ABLIM3: variants seen among roughly 807,000 people sequenced by gnomAD.
ABLIM3 encodes actin-binding LIM protein 3.
ABLIM3 carries 61 observed loss-of-function variants against 109.5 expected under a neutral mutation model. That is an observed-to-expected ratio of 0.56 (90% confidence interval 0.45 to 0.69). ABLIM3 has a LOEUF of 0.69. Ranked by LOEUF, ABLIM3 falls within the 30% of genes least tolerant of loss-of-function variation. The probability of loss-of-function intolerance (pLI) is 0.00; values close to 1 mark genes in which losing one functional copy is unlikely to be tolerated. For synonymous variants in ABLIM3, 300 were observed against 324.8 expected, an observed-to-expected ratio of 0.92 and a Z score of 0.82; for missense variants, 796 against 889.5, an observed-to-expected ratio of 0.89 and a Z score of 1.34.
chr5:149,254,020 G>A (rs551533253), intron 23 of ABLIM3, among the ~76,000 whole-genome samples: 8 of 152,236 alleles, frequency 5.3e-5, no homozygotes, highest in African/African-American at 9.6e-5. Flanking sequence ...ACAGGGGAAC[G>A]CCCTTTATAA....
intron 8 of ABLIM3, chr5:149,221,031 G>A (rs1760595789): frequency 6.6e-6 from 1 of 152,184 alleles, no homozygotes; most frequent in Non-Finnish European, 1.5e-5. Context: ...TTGAACAATG[G>A]GCATGTGTTA....
At chr5:149,248,480 A>G (rs2127569510) in intron 18 of ABLIM3, among the ~76,000 whole-genome samples, 1 of 152,234 alleles carries the variant, frequency 6.6e-6, no homozygotes, top group South Asian at 2.1e-4. Context: ...TCATGAGGTC[A>G]GGAGATCAAG....
At chr5:149,158,763 ACTT>A (rs1440694712) in intron 2 of ABLIM3, among the ~76,000 whole-genome samples, 1 of 152,210 alleles carries the variant, frequency 6.6e-6, no homozygotes, top group Non-Finnish European at 1.5e-5. Flanking sequence ...GGAGGCAATG[ACTT>A]CCCAGAACAC....
At chr5:149,161,771 C>T (rs188613172) in intron 2 of ABLIM3, among the ~76,000 whole-genome samples, 99 of 152,026 alleles carry the variant, frequency 6.5e-4, no homozygotes, top group African/African-American at 2.3e-3. Flanking sequence ...CTTGGGGTTT[C>T]TTGAATTTAA....
In ABLIM3 at chr5:149,169,202, A is replaced by G. The variant is rs141505972; in HGVS notation, c.14-14250A>G. 3.3e-3 allele frequency among the ~76,000 whole-genome samples: 498 copies of G among 151,070 alleles called. 2 individuals are homozygous for G. The highest frequency in any genetic ancestry group is 4.4e-3 in the Non-Finnish European group (301 of 67,978). On this transcript the variant is annotated intron_variant, in intron 2 of 23. Transcript: ENST00000309868. Reference sequence around the variant, plus strand: ...TAGAATGTTTGCAGCGACAAGCGACAGCCCCCAGCTAAAACTGGCTTGAAC... The same window carrying G: ...TAGAATGTTTGCAGCGACAAGCGACGGCCCCCAGCTAAAACTGGCTTGAAC...
chr5:149,248,242 C>T (rs56205716), intron 18 of ABLIM3, among the ~76,000 whole-genome samples: 2,621 of 152,286 alleles, frequency 0.017, 37 homozygotes, highest in Middle Eastern at 0.031. Context: ...AGCCCCAAAC[C>T]CTGCAATGCC....
intron 3 of ABLIM3, among the ~76,000 whole-genome samples, chr5:149,197,696 A>C (rs1758108912): frequency 6.6e-6 from 1 of 152,172 alleles, no homozygotes; most frequent in South Asian, 2.1e-4. Context: ...AGAATCATGC[A>C]CATAGGAAGT....
chr5:149,247,664 G>A (rs746592408), intron 17 of ABLIM3, 118 bp from the exon 18 acceptor site: 1 of 1,340,882 alleles, frequency 7.5e-7, no homozygotes, highest in Non-Finnish European at 1.1e-6. Flanking sequence ...ACGCTGGGAA[G>A]GCAAACATGA....
chr5:149,196,260 C>T (rs1189355002), intron 3 of ABLIM3, among the ~76,000 whole-genome samples: 1 of 152,240 alleles, frequency 6.6e-6, no homozygotes, highest in Non-Finnish European at 1.5e-5. Context: ...CTGGCATTCA[C>T]CTGGCAGTCT....
chr5:149,247,539 T>A (rs949736327), intron 17 of ABLIM3: 2 of 670,916 alleles, frequency 3.0e-6, no homozygotes, highest in Non-Finnish European at 5.5e-6. Flanking sequence ...ATCCTGTCAC[T>A]GGCCAGGCTT....
At chr5:149,158,665 C>A (rs970290221) in intron 2 of ABLIM3, among the ~76,000 whole-genome samples, 1 of 152,084 alleles carries the variant, frequency 6.6e-6, no homozygotes. Context: ...AAAATTAATC[C>A]AGGATAGATC....
chr5:149,252,529 T>C, intron 22 of ABLIM3: 1 of 559,254 alleles, frequency 1.8e-6, no homozygotes, highest in Non-Finnish European at 3.2e-6. Flanking sequence ...GGCAAATACC[T>C]CCAAGCTTAT....
At chr5:149,234,419 T>A (rs1271475599) in intron 10 of ABLIM3, among the ~76,000 whole-genome samples, 3 of 152,134 alleles carry the variant, frequency 2.0e-5, no homozygotes, top group Non-Finnish European at 4.4e-5. Flanking sequence ...AAGCTCTAGA[T>A]AGAGTCAGCA....
intron 2 of ABLIM3, among the ~76,000 whole-genome samples, chr5:149,175,184 C>A (rs1297390610): frequency 6.6e-6 from 1 of 152,182 alleles, no homozygotes; most frequent in Non-Finnish European, 1.5e-5. Flanking sequence ...ACTTTTTATA[C>A]CACCGTGCAT....
intron 10 of ABLIM3, among the ~76,000 whole-genome samples, chr5:149,236,995 C>A (rs981679259): frequency 6.6e-6 from 1 of 152,176 alleles, no homozygotes; most frequent in Non-Finnish European, 1.5e-5. Flanking sequence ...TCTTCATCTT[C>A]TTCTTCAAGG....
intron 10 of ABLIM3, among the ~76,000 whole-genome samples, chr5:149,235,250 C>T (rs1248731519): frequency 6.6e-6 from 1 of 152,200 alleles, no homozygotes; most frequent in Non-Finnish European, 1.5e-5. Context: ...GAAAAAAATT[C>T]ATCCATCTGC....
chr5:149,148,184 G>A (rs1457008536), intron 2 of ABLIM3, among the ~76,000 whole-genome samples: 1 of 152,190 alleles, frequency 6.6e-6, no homozygotes, highest in Non-Finnish European at 1.5e-5. Flanking sequence ...GCTCTTCAGA[G>A]TGAATTTTAG....
chr5:149,256,791 G>A (rs1333671766), intron 23 of ABLIM3, among the ~76,000 whole-genome samples: 2 of 152,240 alleles, frequency 1.3e-5, no homozygotes, highest in Non-Finnish European at 2.9e-5. Flanking sequence ...GATCTGGATA[G>A]TGGACATGGG....
intron 16 of ABLIM3, 59 bp downstream of exon 16, chr5:149,245,074 T>C (rs1753217902): frequency 6.2e-7 from 1 of 1,605,676 alleles, no homozygotes; most frequent in South Asian, 1.1e-5. Flanking sequence ...AGGACACGGG[T>C]GTTCAGAACA....
Sources: gnomAD v4.1 joint callset for allele counts (sites outside exome capture counted in the v4.1 genomes callset) on GRCh38, gnomAD v4.1.1 for gene constraint, MANE v1.5 for transcripts, NCBI Gene and HGNC (gene_info 2026-07-23, HGNC 2026-07-21) for gene names.